SOS1: variants seen among roughly 807,000 people sequenced by gnomAD.
The protein encoded by SOS1 is SOS Ras/Rac guanine nucleotide exchange factor 1, also known as son of sevenless homolog 1.
In SOS1, 25 loss-of-function variants were observed where a neutral mutation model predicts 157.6. That is an observed-to-expected ratio of 0.16 (90% confidence interval 0.12 to 0.22). The LOEUF (loss-of-function observed/expected upper bound fraction) is 0.22. Ranked by LOEUF, SOS1 falls within the 10% of genes least tolerant of loss-of-function variation. SOS1 has a pLI of 1.00. For missense variants in SOS1, 1,237 were observed against 1,599.1 expected (o/e 0.77, Z 3.86); for synonymous variants, 528 against 534.0 (o/e 0.99, Z 0.16).
rs1391743232 is a variant in SOS1, at chr2:38,987,526, CAGG to C, written c.3454_3456del (p.Pro1152del). On this transcript the variant is annotated inframe_deletion, in exon 22 of 23. Transcript: ENST00000402219. ...GATTCTGGTCGTCTTCGTGGAGGAA[CAGG>C]AGGAGGGACAGGCACTTCATCAGTG... The C allele has an allele frequency of 6.2e-7, 1 of 1,606,390 alleles. No homozygotes were observed. Among genetic ancestry groups the C allele is most frequent in the African/African-American group, 1.3e-5 (1 of 74,798 alleles).
chr2:39,001,524 T>G (rs935394578), intron 17 of SOS1, among the ~76,000 whole-genome samples: 3 of 152,220 alleles, frequency 2.0e-5, no homozygotes, highest in African/African-American at 7.2e-5. Context: ...CAGCAAAAGA[T>G]GGGACTAACG....
chr2:39,067,795 T>C, intron 1 of SOS1, 42 bp from the exon 2 acceptor site: 1 of 1,585,486 alleles, frequency 6.3e-7, no homozygotes, highest in Non-Finnish European at 8.7e-7. Flanking sequence ...GGGTTCCATA[T>C]CATTAAACAA....
chr2:39,053,979 G>A (rs970695654), intron 5 of SOS1, among the ~76,000 whole-genome samples: 3 of 151,604 alleles, frequency 2.0e-5, no homozygotes, highest in African/African-American at 7.3e-5. Context: ...CCAGGCTGGA[G>A]TGCAGTGGCG....
At chr2:38,997,081 TAAATTCAGTTTGAAATTCATGGAAA>T in intron 18 of SOS1, 43 bp from the exon 19 acceptor site, 1 of 1,139,202 alleles carries the variant, frequency 8.8e-7, no homozygotes, top group Non-Finnish European at 1.3e-6. Flanking sequence ...TTCAAAATTA[TAAATTCAGTTTGAAATTCATGGAAA>T]GTTAAGAAAA....
At chr2:39,015,433 T>C (rs1669598818) in intron 10 of SOS1, among the ~76,000 whole-genome samples, 1 of 152,090 alleles carries the variant, frequency 6.6e-6, no homozygotes, top group Admixed American at 6.6e-5. Flanking sequence ...AACTATTAAA[T>C]GTGATAGAAT....
At chr2:39,002,851 G>A (rs1669149269) in intron 17 of SOS1, among the ~76,000 whole-genome samples, 5 of 152,000 alleles carry the variant, frequency 3.3e-5, no homozygotes, top group Admixed American at 2.6e-4. Context: ...GATCTCTTGA[G>A]CTCAGGAGTT....
At chr2:39,110,235 T>A (rs1673372152) in intron 1 of SOS1, among the ~76,000 whole-genome samples, 1 of 152,150 alleles carries the variant, frequency 6.6e-6, no homozygotes, top group African/African-American at 2.4e-5. Flanking sequence ...ATACCTTAAA[T>A]CATCTCCAGA....
rs2148244128 is a variant in SOS1 at position 39,120,658 on chromosome 2, G to A, written c.-236C>T. On this transcript the variant is annotated 5_prime_UTR_variant, in exon 1 of 23. Transcript: ENST00000402219. ...TGGAGAACGGACGCGGCCCGGAGGC[G>A]GCGGCATCCCGCACCACCGCCCCGG... Among the ~76,000 whole-genome samples, 1 of 147,190 alleles carries A rather than the reference G, an allele frequency of 6.8e-6. No individual in the cohort carries two copies. The highest frequency in any genetic ancestry group is 6.7e-5 in the Admixed American group (1 of 14,838).
intron 1 of SOS1, among the ~76,000 whole-genome samples, chr2:39,097,626 C>G (rs1672819463): frequency 6.6e-6 from 1 of 151,820 alleles, no homozygotes; most frequent in Non-Finnish European, 1.5e-5. Flanking sequence ...AGCGCCATCT[C>G]AGCTCATTGC....
At chr2:39,062,677 G>A (rs1318126804) in intron 2 of SOS1, among the ~76,000 whole-genome samples, 2 of 149,830 alleles carry the variant, frequency 1.3e-5, no homozygotes, top group East Asian at 3.9e-4. Flanking sequence ...GTTAAATATA[G>A]GTACATATAG....
chr2:39,034,590 T>G (rs1395024511), intron 8 of SOS1, among the ~76,000 whole-genome samples: 3 of 152,186 alleles, frequency 2.0e-5, no homozygotes, highest in Non-Finnish European at 4.4e-5. Flanking sequence ...TTAATTTCAG[T>G]ATATAACAGG....
upstream of SOS1, among the ~76,000 whole-genome samples, chr2:39,123,578 GA>G (rs1438804040): frequency 2.0e-5 from 3 of 151,600 alleles, no homozygotes; most frequent in Non-Finnish European, 4.4e-5. Flanking sequence ...GGCTGGTCTC[GA>G]ACTCCTGACC....
chr2:39,107,208 C>T (rs182786241), intron 1 of SOS1, among the ~76,000 whole-genome samples: 4 of 152,086 alleles, frequency 2.6e-5, no homozygotes, highest in Non-Finnish European at 5.9e-5. Context: ...ATCATGAGAA[C>T]GAGCCTCTCA....
chr2:39,089,055 C>T (rs1056770452), intron 1 of SOS1, among the ~76,000 whole-genome samples: 6 of 152,140 alleles, frequency 3.9e-5, no homozygotes, highest in African/African-American at 1.4e-4. Flanking sequence ...TTTTCATTCC[C>T]ATTTCGCTAA....
intron 1 of SOS1, among the ~76,000 whole-genome samples, chr2:39,069,728 A>C (rs1361908586): frequency 6.6e-6 from 1 of 152,016 alleles, no homozygotes; most frequent in Non-Finnish European, 1.5e-5. Context: ...CTGTATTTTT[A>C]GTGGAGACGG....
intron 17 of SOS1, among the ~76,000 whole-genome samples, chr2:39,002,583 CGTA>C (rs1000706930): frequency 2.0e-5 from 3 of 152,132 alleles, no homozygotes; most frequent in African/African-American, 7.2e-5. Flanking sequence ...AAGCACCTGA[CGTA>C]GTCCTGGTAC....
chr2:38,985,737 T>TTAA lies in SOS1; in HGVS notation c.*86_*87insTTA. On this transcript the variant is annotated 3_prime_UTR_variant, in exon 23 of 23. Coordinates refer to ENST00000402219, the MANE Select transcript of SOS1 (RefSeq NM_005633.4). ...TCGTTAGTGTTTGGAGTTCTCATTT[T>TTAA]AACTCCTCAGTGCTGGCACATTCAG... 6.8e-7 allele frequency: 1 copy of TTAA among 1,476,050 alleles called. No homozygotes were observed. The highest frequency in any genetic ancestry group is 9.4e-7 in the Non-Finnish European group (1 of 1,059,306). The allele number at this position is 1,476,050 out of a possible 1,614,324, so 91.4% of individuals were successfully genotyped here.
chr2:39,005,647 T>C (rs1275735067), intron 17 of SOS1, among the ~76,000 whole-genome samples: 1 of 151,990 alleles, frequency 6.6e-6, no homozygotes, highest in Non-Finnish European at 1.5e-5. Context: ...TGGGAAAATA[T>C]ATTAAAAGTA....
At chr2:39,059,803 C>A (rs1671339070) in intron 2 of SOS1, among the ~76,000 whole-genome samples, 1 of 152,100 alleles carries the variant, frequency 6.6e-6, no homozygotes, top group African/African-American at 2.4e-5. Flanking sequence ...GGAGTGTAAT[C>A]CATTCAATTT....
Sources: gnomAD v4.1 joint callset for allele counts (sites outside exome capture counted in the v4.1 genomes callset) on GRCh38, gnomAD v4.1.1 for gene constraint, MANE v1.5 for transcripts, NCBI Gene and HGNC (gene_info 2026-07-23, HGNC 2026-07-21) for gene names.